ERICH6B: variants seen among roughly 807,000 people sequenced by gnomAD.
ERICH6B encodes glutamate rich 6B, also known as glutamate-rich protein 6B.
A neutral mutation model predicts 80.0 loss-of-function variants in ERICH6B; 69 were observed. The observed-to-expected ratio is 0.86, with a 90% CI of 0.71 to 1.05. The LOEUF is 1.05. ERICH6B is among the 50% of genes least tolerant of loss of function. ERICH6B has a pLI of 0.00. For synonymous variants in ERICH6B, 283 were observed against 291.9 expected (o/e 0.97, Z 0.31); for missense variants, 754 against 796.1 (o/e 0.95, Z 0.64).
At chr13:45,552,842 G>T in intron 11 of ERICH6B, 1 of 168,292 alleles carries the variant, frequency 5.9e-6, no homozygotes, top group African/African-American at 2.4e-5. Flanking sequence ...TAGTGCAATA[G>T]CTATTGGACA....
intron 10 of ERICH6B, 119 bp downstream of exon 10, chr13:45,563,608 G>T: frequency 1.1e-6 from 1 of 914,268 alleles, no homozygotes; most frequent in Non-Finnish European, 1.8e-6. Context: ...AGCCCTGTAG[G>T]CACTGAAGTG....
At chr13:45,557,996 T>C (rs1874510218) in intron 11 of ERICH6B, among the ~76,000 whole-genome samples, 1 of 152,146 alleles carries the variant, frequency 6.6e-6, no homozygotes, top group Admixed American at 6.5e-5. Context: ...TGATGGGAAT[T>C]GCATTGAATT....
rs553381026 is a variant in ERICH6B at position 45,574,764 on chromosome 13, G to A, written c.1050+78C>T. ...TCCTCAGAACCCAAGACCTCAGCCAGCTTGCCTGGGCTAGGCTTGGGCCAC... is the reference window on the plus strand; with the variant it reads ...TCCTCAGAACCCAAGACCTCAGCCAACTTGCCTGGGCTAGGCTTGGGCCAC... On this transcript the variant is annotated intron_variant, in intron 8 of 14. Transcript: ENST00000298738. 3.5e-6 allele frequency: 4 copies of A among 1,135,254 alleles called. No homozygotes were observed. In the South Asian group the frequency reaches 5.4e-5, roughly 15 times the overall value. The allele number at this position is 1,135,254 out of a possible 1,614,324, so 70.3% of individuals were successfully genotyped here.
Position 45,541,619 on chromosome 13 carries a change from C to T in ERICH6B, c.1934G>A (p.Gly645Asp), listed in dbSNP as rs1330293189. The T allele has an allele frequency of 6.4e-6, 10 of 1,551,436 alleles. No individual in the cohort carries two copies. The highest frequency in any genetic ancestry group is 7.8e-6 in the Non-Finnish European group (9 of 1,147,018). ...KKKTILEAEP[G>D]PTAQKIRVLL... is the part of the protein sequence containing the mutation. ...GACCCGGATCTTCTGGGCTGTTGGG[C>T]CGGGTTCTGCCTCCAGGATGGTTTT... Residue 645 changes from glycine to aspartate, a missense_variant, in exon 15 of 15, where the codon GGC becomes GAC. Coordinates refer to ENST00000298738, the MANE Select transcript of ERICH6B (RefSeq NM_182542.3).
intron 3 of ERICH6B, among the ~76,000 whole-genome samples, chr13:45,591,468 C>T (rs994326651): frequency 2.0e-5 from 3 of 151,840 alleles, no homozygotes; most frequent in East Asian, 3.9e-4. Flanking sequence ...TAGTGGCAGG[C>T]GCCTGTAGTC....
At chr13:45,595,026 T>C (rs918020429) in intron 3 of ERICH6B, among the ~76,000 whole-genome samples, 1 of 152,168 alleles carries the variant, frequency 6.6e-6, no homozygotes, top group East Asian at 1.9e-4. Flanking sequence ...TGCCAGTTGC[T>C]GAAACAGTGT....
At chr13:45,558,369 G>C (rs750996061) in intron 11 of ERICH6B, among the ~76,000 whole-genome samples, 2 of 152,056 alleles carry the variant, frequency 1.3e-5, no homozygotes, top group African/African-American at 2.4e-5. Context: ...GCATACAATC[G>C]TATCATCAGC....
intron 4 of ERICH6B, among the ~76,000 whole-genome samples, chr13:45,589,025 G>C (rs924000107): frequency 6.6e-6 from 1 of 152,140 alleles, no homozygotes; most frequent in African/African-American, 2.4e-5. Context: ...GTGGCTGATA[G>C]CCTTTCTGTT....
At chr13:45,583,273 C>T (rs74073916) in intron 5 of ERICH6B, among the ~76,000 whole-genome samples, 8,785 of 152,174 alleles carry the variant, frequency 0.058, 581 homozygotes, top group African/African-American at 0.16. Flanking sequence ...TCTGTCTTGA[C>T]TTTTTTTGGC....
chr13:45,585,700 AC>A (rs1312060474), intron 5 of ERICH6B, among the ~76,000 whole-genome samples: 1 of 152,230 alleles, frequency 6.6e-6, no homozygotes, highest in Admixed American at 6.5e-5. Flanking sequence ...GGGTGGTCAG[AC>A]TTTTACTAAA....
chr13:45,575,364 C>G (rs1269268616), intron 7 of ERICH6B, among the ~76,000 whole-genome samples: 2 of 152,130 alleles, frequency 1.3e-5, no homozygotes, highest in Non-Finnish European at 2.9e-5. Flanking sequence ...AGGGGGAACC[C>G]TATGGTATGC....
chr13:45,557,064 A>G (rs563963142), intron 11 of ERICH6B, among the ~76,000 whole-genome samples: 2 of 152,120 alleles, frequency 1.3e-5, no homozygotes, highest in Non-Finnish European at 2.9e-5. Context: ...AGCAGTGTAG[A>G]AGTGTTCTCT....
intron 14 of ERICH6B, among the ~76,000 whole-genome samples, chr13:45,542,145 G>A (rs1004241662): frequency 2.0e-5 from 3 of 152,164 alleles, no homozygotes; most frequent in South Asian, 2.1e-4. Flanking sequence ...CAGGGAGGCC[G>A]CCTCTATGCC....
At chr13:45,590,833 C>T (rs1876127423) in intron 3 of ERICH6B, 136 bp from the exon 4 acceptor site, 1 of 642,512 alleles carries the variant, frequency 1.6e-6, no homozygotes, top group Non-Finnish European at 2.5e-6. Context: ...AGTATTGTCT[C>T]TTAATGGTTT....
In ERICH6B at chr13:45,596,606, G is replaced by T. The variant is rs1876391028; in HGVS notation, c.400C>A (p.Leu134Met). 1 of 1,540,570 alleles carries T rather than the reference G, an allele frequency of 6.5e-7. No homozygotes were observed. Among genetic ancestry groups the T allele is most frequent in the Non-Finnish European group, 8.8e-7 (1 of 1,139,988 alleles). Residue 134 changes from leucine to methionine, a missense_variant, in exon 3 of 15, where the codon CTG (leucine) becomes ATG (methionine). By Grantham distance (15) the Leu-to-Met change is conservative. Transcript: ENST00000298738. ...TTCCCCAGATACTCTTCCTCCTCCAGATGCTCTTCCTTCCCCAGGTACTCT... is the reference window on the plus strand; with the variant it reads ...TTCCCCAGATACTCTTCCTCCTCCATATGCTCTTCCTTCCCCAGGTACTCT... ...EEEYLGKEEH[L>M]EEEEYLGKEG...
intron 11 of ERICH6B, among the ~76,000 whole-genome samples, chr13:45,550,526 G>A (rs1462074528): frequency 6.6e-6 from 1 of 151,876 alleles, no homozygotes; most frequent in Non-Finnish European, 1.5e-5. Context: ...ATTTTAAACT[G>A]TCATTTCAAT....
chr13:45,544,306 G>A (rs1178573256), intron 14 of ERICH6B, among the ~76,000 whole-genome samples: 2 of 152,080 alleles, frequency 1.3e-5, no homozygotes, highest in Non-Finnish European at 2.9e-5. Context: ...AACTCCTGGC[G>A]CTAAGTGATC....
In ERICH6B at chr13:45,574,900, C is replaced by T. The variant is rs1875326063; in HGVS notation, c.992G>A (p.Trp331Ter). Residue 331 changes from tryptophan (W) to a stop codon, truncating the protein, a stop_gained, in exon 8 of 15, where the codon TGG becomes TAG. Coordinates refer to ENST00000298738, the MANE Select transcript of ERICH6B (RefSeq NM_182542.3). LOFTEE classifies it high-confidence loss of function. ...VLEFASKENF[W>*]DGITDESIDK... Reference sequence around the variant, plus strand: ...AATGGACTCATCTGTTATACCATCCCAAAAGTTCTCTTTAGAAGCAAACTC... The same window carrying T: ...AATGGACTCATCTGTTATACCATCCTAAAAGTTCTCTTTAGAAGCAAACTC... 2 of 1,551,456 alleles carry T rather than the reference C, an allele frequency of 1.3e-6. No homozygotes were observed. The highest frequency in any genetic ancestry group is 1.7e-6 in the Non-Finnish European group (2 of 1,146,908).
rs1566304194 is a variant in ERICH6B, at chr13:45,597,018, G to GT, written c.-14dup. 1 of 1,530,566 alleles carries GT rather than the reference G, an allele frequency of 6.5e-7. No homozygotes were observed. The highest frequency in any genetic ancestry group is 8.8e-7 in the Non-Finnish European group (1 of 1,135,282). 94.8% of individuals were successfully genotyped at this position (1,530,566 alleles called of 1,614,324 possible). The stretch of plus-strand genomic sequence containing the variant: ...TTTCAGCAGACATGCTGGGGAAGTC[G>GT]TAGGTGGTGAACTCCTTCTGCAGCA... On this transcript the variant is annotated 5_prime_UTR_variant, in exon 3 of 15. Transcript: ENST00000298738.
Sources: gnomAD v4.1 joint callset for allele counts (sites outside exome capture counted in the v4.1 genomes callset) on GRCh38, gnomAD v4.1.1 for gene constraint, MANE v1.5 for transcripts, NCBI Gene and HGNC (gene_info 2026-07-23, HGNC 2026-07-21) for gene names.